CSMD1: variants seen among roughly 807,000 people sequenced by gnomAD.
CSMD1 encodes the protein CUB and Sushi multiple domains 1.
In CSMD1, 213 loss-of-function variants were observed where a neutral mutation model predicts 417.5. That is an observed-to-expected ratio of 0.51 (90% CI 0.46 to 0.57). The LOEUF is 0.57. Ranked by LOEUF, CSMD1 falls within the 20% of genes least tolerant of loss-of-function variation. CSMD1 has a pLI of 0.00. For synonymous variants in CSMD1, 2,862 were observed against 1,736.8 expected (o/e 1.65, Z -16.11); for missense variants, 6,923 against 4,529.7 (o/e 1.53, Z -15.17).
intron 5 of CSMD1, among the ~76,000 whole-genome samples, chr8:3,840,366 A>G (rs1803047039): frequency 6.6e-6 from 1 of 152,186 alleles, no homozygotes; most frequent in Non-Finnish European, 1.5e-5. Context: ...TAGTGCACAA[A>G]TATGCTGAGG....
intron 3 of CSMD1, among the ~76,000 whole-genome samples, chr8:4,047,197 T>C (rs993384882): frequency 3.9e-5 from 6 of 152,136 alleles, no homozygotes; most frequent in South Asian, 2.1e-4. Flanking sequence ...AGATGCTCTG[T>C]AGTAACTCAT....
At chr8:3,637,628 G>T (rs560019956) in intron 7 of CSMD1, among the ~76,000 whole-genome samples, 3 of 151,948 alleles carry the variant, frequency 2.0e-5, no homozygotes, top group African/African-American at 4.8e-5. Context: ...GCTACTGTTG[G>T]CACTATTAAA....
chr8:4,192,994 A>C (rs1217732303), intron 3 of CSMD1, among the ~76,000 whole-genome samples: 1 of 152,238 alleles, frequency 6.6e-6, no homozygotes, highest in Non-Finnish European at 1.5e-5. Flanking sequence ...AATCAAATGC[A>C]ATCATATCTT....
At chr8:4,588,175 A>T (rs1027139846) in intron 2 of CSMD1, among the ~76,000 whole-genome samples, 1 of 152,136 alleles carries the variant, frequency 6.6e-6, no homozygotes, top group Non-Finnish European at 1.5e-5. Flanking sequence ...AATGATATCA[A>T]ACATTTTCTT....
chr8:3,198,574 G>C (rs1796826395), intron 33 of CSMD1, among the ~76,000 whole-genome samples: 1 of 152,160 alleles, frequency 6.6e-6, no homozygotes, highest in Non-Finnish European at 1.5e-5. Flanking sequence ...CAGGATCAGA[G>C]AGATCTTTGT....
At chr8:3,790,832 C>T (rs915309301) in intron 5 of CSMD1, among the ~76,000 whole-genome samples, 3 of 152,088 alleles carry the variant, frequency 2.0e-5, no homozygotes, top group African/African-American at 7.2e-5. Context: ...GATGTCAGAG[C>T]CCTGAGTAAC....
intron 2 of CSMD1, among the ~76,000 whole-genome samples, chr8:4,493,780 G>T (rs1801842459): frequency 6.6e-6 from 1 of 152,084 alleles, no homozygotes; most frequent in African/African-American, 2.4e-5. Context: ...CTATCCCTAA[G>T]AATAGTATTT....
intron 1 of CSMD1, among the ~76,000 whole-genome samples, chr8:4,873,828 T>C (rs1479974420): frequency 2.0e-5 from 3 of 152,134 alleles, no homozygotes; most frequent in Non-Finnish European, 4.4e-5. Context: ...TAAGTTGTTT[T>C]ATATTTTACT....
intron 52 of CSMD1, among the ~76,000 whole-genome samples, chr8:3,012,963 G>C (rs145298613): frequency 6.6e-6 from 1 of 152,282 alleles, no homozygotes; most frequent in African/African-American, 2.4e-5. Context: ...GTCTCATAAA[G>C]GGGAGTTCCC....
chr8:4,693,508 T>G (rs1009882766), intron 1 of CSMD1, among the ~76,000 whole-genome samples: 8 of 152,234 alleles, frequency 5.3e-5, no homozygotes, highest in Non-Finnish European at 7.3e-5. Context: ...GTTCCTCTTT[T>G]TTCACTTGAG....
At chr8:3,834,313 G>A (rs1585064085) in intron 5 of CSMD1, among the ~76,000 whole-genome samples, 2 of 152,142 alleles carry the variant, frequency 1.3e-5, no homozygotes, top group South Asian at 2.1e-4. Flanking sequence ...TTTACCCTCT[G>A]TGGATGTGGC....
chr8:4,043,407 A>C (rs1329812208), intron 3 of CSMD1, among the ~76,000 whole-genome samples: 1 of 152,232 alleles, frequency 6.6e-6, no homozygotes, highest in Non-Finnish European at 1.5e-5. Flanking sequence ...AGGAAGCGTA[A>C]ATGACATGAA....
chr8:3,383,618 A>T (rs1384139730), intron 18 of CSMD1, among the ~76,000 whole-genome samples: 1 of 152,198 alleles, frequency 6.6e-6, no homozygotes. Flanking sequence ...AAATGATGCC[A>T]ATAAGAGAAG....
At chr8:3,668,767 C>T (rs967708976) in intron 7 of CSMD1, among the ~76,000 whole-genome samples, 1 of 152,146 alleles carries the variant, frequency 6.6e-6, no homozygotes, top group Non-Finnish European at 1.5e-5. Flanking sequence ...ACTGAACATC[C>T]TGTATCTACT....
intron 1 of CSMD1, among the ~76,000 whole-genome samples, chr8:4,692,575 A>G (rs995139671): frequency 3.3e-5 from 5 of 152,154 alleles, no homozygotes; most frequent in Admixed American, 1.3e-4. Context: ...ACTGTGAGCC[A>G]TGGGTGAGAG....
chr8:3,937,379 T>G (rs1187998237), intron 5 of CSMD1, among the ~76,000 whole-genome samples: 1 of 152,106 alleles, frequency 6.6e-6, no homozygotes, highest in Non-Finnish European at 1.5e-5. Flanking sequence ...CGTGGTAAAC[T>G]TTACTGTTGT....
intron 1 of CSMD1, among the ~76,000 whole-genome samples, chr8:4,716,530 C>T (rs1004548881): frequency 1.2e-4 from 18 of 152,070 alleles, no homozygotes. Context: ...TTACACTTAC[C>T]TACTTTTAAT....
chr8:3,900,917 A>T (rs1387849808), intron 5 of CSMD1, among the ~76,000 whole-genome samples: 1 of 152,212 alleles, frequency 6.6e-6, no homozygotes, highest in Non-Finnish European at 1.5e-5. Flanking sequence ...CGTGCATCCA[A>T]ACACTATGGA....
At chr8:4,122,522 G>C (rs1156602149) in intron 3 of CSMD1, among the ~76,000 whole-genome samples, 4 of 152,124 alleles carry the variant, frequency 2.6e-5, no homozygotes, top group African/African-American at 4.8e-5. Context: ...GAAAGTACCA[G>C]CCGCATTTTA....
Sources: allele counts gnomAD v4.1 joint callset (sites outside exome capture counted in the v4.1 genomes callset), GRCh38; gene constraint gnomAD v4.1.1; transcripts MANE v1.5; gene names NCBI Gene and HGNC (gene_info 2026-07-23, HGNC 2026-07-21).